The following EPHA3 variants were observed in gnomAD, a reference collection of about 807,000 sequenced individuals.
EPHA3 encodes the protein EPH receptor A3, also known as ephrin type-A receptor 3.
A neutral mutation model predicts 107.1 loss-of-function variants in EPHA3; 42 were observed. That is an observed-to-expected ratio of 0.39 (90% CI 0.31 to 0.51). EPHA3 has a LOEUF of 0.51. Ranked by LOEUF, EPHA3 falls within the 20% of genes least tolerant of loss-of-function variation. EPHA3 has a pLI of 0.78. For synonymous variants in EPHA3, 461 were observed against 424.8 expected (o/e 1.09, Z -1.05); for missense variants, 1,183 against 1,211.2 (o/e 0.98, Z 0.35).
At position 89,380,763 on chromosome 3, in the gene EPHA3, G is replaced by A. The variant is rs1362507974; in HGVS notation, c.1307-15074G>A. 2.7e-5 allele frequency among the ~76,000 whole-genome samples: 4 copies of A among 149,100 alleles called. No individual in the cohort carries two copies. In the East Asian group the frequency reaches 7.8e-4, roughly 29 times the overall value. ...CTGTGACTCTTTAAACAGCATAATA[G>A]GTAGTAGCTTTTTTTTTTTTTTTTT... On this transcript the variant is annotated intron_variant, in intron 5 of 16. Transcript: ENST00000336596.
At chr3:89,122,519 G>A (rs945107193) in intron 1 of EPHA3, among the ~76,000 whole-genome samples, 1 of 152,128 alleles carries the variant, frequency 6.6e-6, no homozygotes, top group Non-Finnish European at 1.5e-5. Context: ...GTATTATTAG[G>A]TAATTGGAAA....
At chr3:89,405,076 GA>G (rs1417596864) in intron 7 of EPHA3, among the ~76,000 whole-genome samples, 1 of 152,106 alleles carries the variant, frequency 6.6e-6, no homozygotes, top group Non-Finnish European at 1.5e-5. Context: ...AAATATTTGT[GA>G]AGGATAAAAG....
chr3:89,337,048 G>C (rs981678088), intron 3 of EPHA3, among the ~76,000 whole-genome samples: 2 of 147,374 alleles, frequency 1.4e-5, no homozygotes, highest in African/African-American at 5.0e-5. Context: ...AGAAGAGCAA[G>C]ACCCTGGCTC....
At chr3:89,258,966 C>T (rs1705351091) in intron 3 of EPHA3, among the ~76,000 whole-genome samples, 1 of 152,004 alleles carries the variant, frequency 6.6e-6, no homozygotes, top group Admixed American at 6.6e-5. Flanking sequence ...TATGGGAAAT[C>T]TCTTGGCGCC....
Position 89,450,240 on chromosome 3 carries a change from T to C in EPHA3, c.2560T>C (p.Tyr854His), listed in dbSNP as rs1423203141. ...CCCCATGGACTGCCCAGCTGCCTTG[T>C]ATCAGCTGATGCTGGACTGCTGGCA... ...PPPMDCPAAL[Y>H]QLMLDCWQKD... Residue 854 changes from tyrosine to histidine, a missense_variant, in exon 15 of 17, where the codon TAT becomes CAT. Physicochemically the swap from Tyr to His is moderately conservative, Grantham distance 83 (BLOSUM62 2). Coordinates refer to ENST00000336596, the MANE Select transcript of EPHA3 (RefSeq NM_005233.6). 1.2e-6 allele frequency: 2 copies of C among 1,613,862 alleles called. No individual in the cohort carries two copies. Among genetic ancestry groups the C allele is most frequent in the South Asian group, 1.1e-5 (1 of 91,018 alleles).
At chr3:89,146,049 G>T (rs1704550794) in intron 2 of EPHA3, among the ~76,000 whole-genome samples, 1 of 151,858 alleles carries the variant, frequency 6.6e-6, no homozygotes, top group Non-Finnish European at 1.5e-5. Context: ...GTTACCAGAA[G>T]TCAACAGAGG....
chr3:89,330,182 G>A (rs1268048967), intron 3 of EPHA3, among the ~76,000 whole-genome samples: 1 of 151,798 alleles, frequency 6.6e-6, no homozygotes, highest in African/African-American at 2.4e-5. Flanking sequence ...GATACCTTAA[G>A]TAGAAACCCC....
At chr3:89,319,054 A>G (rs1019420451) in intron 3 of EPHA3, among the ~76,000 whole-genome samples, 2 of 151,974 alleles carry the variant, frequency 1.3e-5, no homozygotes, top group African/African-American at 2.4e-5. Context: ...TACTATCAGT[A>G]TTCACCATTT....
intron 6 of EPHA3, among the ~76,000 whole-genome samples, chr3:89,397,850 T>G (rs940942389): frequency 2.0e-5 from 3 of 152,214 alleles, no homozygotes; most frequent in African/African-American, 7.2e-5. Context: ...CCCAAAGTGC[T>G]GGGATTACAG....
chr3:89,311,439 AG>A (rs1357892345), intron 3 of EPHA3, among the ~76,000 whole-genome samples: 51 of 152,160 alleles, frequency 3.4e-4, no homozygotes, highest in Non-Finnish European at 1.6e-4. Context: ...TAGGGACAAA[AG>A]GTGGTGGTGT....
chr3:89,431,416 G>T, intron 13 of EPHA3, 57 bp downstream of exon 13: 1 of 1,465,324 alleles, frequency 6.8e-7, no homozygotes, highest in South Asian at 1.2e-5. Context: ...GTATCATGTT[G>T]ATTTGTAAAT....
intron 5 of EPHA3, among the ~76,000 whole-genome samples, chr3:89,385,641 T>C (rs112610962): frequency 0.027 from 4,092 of 152,160 alleles, 96 homozygotes; most frequent in Admixed American, 0.055. Context: ...AGAAGACTAA[T>C]ATAGTAAATT....
At position 89,472,516 on chromosome 3, in the gene EPHA3, A is replaced by G. The variant is rs748629890; in HGVS notation, c.2743A>G (p.Thr915Ala). 3 of 1,614,120 alleles carry G rather than the reference A, an allele frequency of 1.9e-6. No homozygotes were observed. In the Admixed American group the frequency reaches 5.0e-5, roughly 27 times the overall value. The change falls in exon 16 of 17, where the codon ACA becomes GCA. Residue 915 changes from threonine (T) to alanine (A), a missense_variant. By Grantham distance (58) the Thr-to-Ala change is moderately conservative (BLOSUM62 0). Transcript: ENST00000336596. ...QSNVDITTFR[T>A]TGDWLNGVWT... ...CAATGTGGATATCACTACCTTCCGCACAACAGGTGACTGGCTTAATGGTGT... is the reference window on the plus strand; with the variant it reads ...CAATGTGGATATCACTACCTTCCGCGCAACAGGTGACTGGCTTAATGGTGT...
intron 2 of EPHA3, among the ~76,000 whole-genome samples, chr3:89,137,760 G>A (rs1169278802): frequency 6.6e-6 from 1 of 151,940 alleles, no homozygotes; most frequent in Admixed American, 6.6e-5. Context: ...TGTCAAAGGG[G>A]CTGATACACT....
chr3:89,391,291 G>A (rs1200065157), intron 5 of EPHA3, among the ~76,000 whole-genome samples: 9 of 152,172 alleles, frequency 5.9e-5, no homozygotes, highest in East Asian at 3.9e-4. Flanking sequence ...GTGTAAGTCC[G>A]GAGAAGCTTC....
At chr3:89,128,593 G>A (rs936315129) in intron 2 of EPHA3, among the ~76,000 whole-genome samples, 1 of 151,332 alleles carries the variant, frequency 6.6e-6, no homozygotes. Context: ...GCTGCTTCAG[G>A]ATATAAGAAA....
Position 89,341,832 on chromosome 3 carries a change from G to C in EPHA3, c.1048G>C (p.Asp350His), listed in dbSNP as rs2107419567. 6.2e-7 allele frequency: 1 copy of C among 1,613,868 alleles called. No homozygotes were observed. Among genetic ancestry groups the C allele is most frequent in the East Asian group, 2.2e-5 (1 of 44,854 alleles). The change falls in exon 5 of 17, where the codon GAC becomes CAC. Residue 350 changes from aspartate (D) to histidine (H), a missense_variant. Asp to His is a moderately conservative substitution (Grantham distance 81, BLOSUM62 -1). Transcript: ENST00000336596. The stretch of plus-strand genomic sequence containing the variant: ...TATCCTGGACTGGAGTTGGCCCCTG[G>C]ACACAGGAGGCCGGAAAGATGTTAC... Reference protein sequence around the residue: ...SVILDWSWPLDTGGRKDVTFN... With the variant: ...SVILDWSWPLHTGGRKDVTFN...
intron 3 of EPHA3, among the ~76,000 whole-genome samples, chr3:89,307,615 T>C (rs1706655343): frequency 6.6e-6 from 1 of 152,148 alleles, no homozygotes; most frequent in Admixed American, 6.6e-5. Flanking sequence ...CAGGCTGAAG[T>C]GCAGTGGCGC....
intron 5 of EPHA3, among the ~76,000 whole-genome samples, chr3:89,391,506 C>G (rs1247034923): frequency 6.8e-6 from 1 of 147,820 alleles, no homozygotes; most frequent in Non-Finnish European, 1.5e-5. Context: ...TGCAAGCCTG[C>G]AAGCTCTGCC....
Sources: gnomAD v4.1 joint callset for allele counts (sites outside exome capture counted in the v4.1 genomes callset) on GRCh38, gnomAD v4.1.1 for gene constraint, MANE v1.5 for transcripts, NCBI Gene and HGNC (gene_info 2026-07-23, HGNC 2026-07-21) for gene names.